Variants in FAM120A observed in about 807,000 individuals in gnomAD.
FAM120A encodes constitutive coactivator of PPAR-gamma-like protein 1.
In FAM120A, 15 loss-of-function variants were observed where a neutral mutation model predicts 109.7. That is an observed-to-expected ratio of 0.14 (90% CI 0.09 to 0.21). The LOEUF (loss-of-function observed/expected upper bound fraction) is 0.21. Ranked by LOEUF, FAM120A falls within the 10% of genes least tolerant of loss-of-function variation. The pLI, the probability that FAM120A is intolerant of heterozygous loss-of-function variation, is 1.00. For synonymous variants in FAM120A, 493 were observed against 572.8 expected, an observed-to-expected ratio of 0.86 and a Z score of 1.99; for missense variants, 899 against 1,439.3, an observed-to-expected ratio of 0.62 and a Z score of 6.07.
At chr9:93,454,536 A>C (rs1857464545) in intron 1 of FAM120A, among the ~76,000 whole-genome samples, 1 of 152,198 alleles carries the variant, frequency 6.6e-6, no homozygotes, top group African/African-American at 2.4e-5. Context: ...TCTATTTTCT[A>C]AACTCAGCTT....
Position 93,532,338 on chromosome 9 carries a change from T to C in FAM120A, c.1909+9T>C. On this transcript the variant is annotated intron_variant, in intron 10 of 17. Transcript: ENST00000277165. The surrounding 1 kb of genome is among the most constrained non-coding windows in gnomAD (Gnocchi z 4.3). ...CAGACTTCCACCAGAATGTATGTAC[T>C]GTAACAATCCATTGTTTGTTTTCCT... 6.2e-7 allele frequency: 1 copy of C among 1,613,728 alleles called. No homozygotes were observed. The highest frequency in any genetic ancestry group is 8.5e-7 in the Non-Finnish European group (1 of 1,179,590).
At chr9:93,476,079 T>A (rs1422757641) in intron 2 of FAM120A, among the ~76,000 whole-genome samples, 177 bp from the exon 3 acceptor site, 4 of 152,250 alleles carry the variant, frequency 2.6e-5, no homozygotes, top group African/African-American at 9.6e-5. Context: ...CCCGTCATTC[T>A]TGAAGCAGCT....
In FAM120A at chr9:93,453,682, C is replaced by T. The variant is rs535833177; in HGVS notation, c.474+1293C>T. The T allele has an allele frequency of 2.6e-5, 25 of 952,756 alleles. No individual in the cohort carries two copies. The Admixed American group carries it at 1.0e-3, about 40-fold the overall frequency. 59.0% of individuals were successfully genotyped at this position (952,756 alleles called of 1,614,324 possible). ...CCGGCAGAGTCCCGATTGGCCCCTG[C>T]GCCTGGCAGACACACAGCTGCCATT... On this transcript the variant is annotated intron_variant, in intron 1 of 17. Transcript: ENST00000277165.
At chr9:93,523,242 C>T (rs1210201524) in intron 7 of FAM120A, 1 of 1,140,572 alleles carries the variant, frequency 8.8e-7, no homozygotes, top group East Asian at 6.0e-5. Context: ...GCCTCTTTTG[C>T]TTGAAGATGG....
chr9:93,497,383 C>T, intron 3 of FAM120A, 88 bp from the exon 4 acceptor site: 1 of 1,525,440 alleles, frequency 6.6e-7, no homozygotes, highest in Non-Finnish European at 9.0e-7. Context: ...GATGGTAGCT[C>T]CTTGTTGAAT....
At chr9:93,536,372 G>A (rs754978470) in intron 10 of FAM120A, among the ~76,000 whole-genome samples, 2 of 152,214 alleles carry the variant, frequency 1.3e-5, no homozygotes, top group Non-Finnish European at 2.9e-5. Context: ...AGAGCCTGCT[G>A]CTCCAGCAGC....
intron 1 of FAM120A, among the ~76,000 whole-genome samples, chr9:93,453,828 G>T (rs1286117824): frequency 6.6e-6 from 1 of 152,164 alleles, no homozygotes; most frequent in Non-Finnish European, 1.5e-5. Flanking sequence ...CTAATAGAGC[G>T]TAAAAGTGTT....
intron 7 of FAM120A, among the ~76,000 whole-genome samples, chr9:93,520,330 T>A (rs1860792680): frequency 6.6e-6 from 1 of 152,092 alleles, no homozygotes. Flanking sequence ...GCCAATGCGC[T>A]CTCTCCTGGG....
intron 10 of FAM120A, among the ~76,000 whole-genome samples, chr9:93,539,020 C>T (rs1286710913): frequency 3.8e-5 from 5 of 130,486 alleles, no homozygotes; most frequent in South Asian, 3.0e-4. Context: ...TTTTTTGAGA[C>T]GGAGTCTCAC....
chr9:93,465,104 G>A (rs1564308379), intron 1 of FAM120A, among the ~76,000 whole-genome samples: 1 of 152,220 alleles, frequency 6.6e-6, no homozygotes, highest in Non-Finnish European at 1.5e-5. Flanking sequence ...GGGAGCTCAA[G>A]TCTGTCAGAC....
At chr9:93,496,789 A>G (rs1405577943) in intron 3 of FAM120A, among the ~76,000 whole-genome samples, 10 of 152,222 alleles carry the variant, frequency 6.6e-5, no homozygotes, top group Non-Finnish European at 1.5e-4. Flanking sequence ...CAAAGCTCTT[A>G]TTAGGTGGCT....
chr9:93,517,714 A>ACC (rs752205825), intron 7 of FAM120A, among the ~76,000 whole-genome samples: 7 of 152,208 alleles, frequency 4.6e-5, no homozygotes, highest in Non-Finnish European at 1.0e-4. Context: ...AGATGTGGAA[A>ACC]CCAGGTCAAG....
In FAM120A at chr9:93,498,388, G is replaced by A. The variant is rs1201859608; in HGVS notation, c.934-402G>A. 6.6e-6 allele frequency among the ~76,000 whole-genome samples: 1 copy of A among 152,146 alleles called. No individual in the cohort carries two copies. The highest frequency in any genetic ancestry group is 1.5e-5 in the Non-Finnish European group (1 of 68,030). ...AGCCTGGGTGAAAGAGCGAAACTCC[G>A]TCTCAGAAGAAAAAGAGAGAGCTGA... On this transcript the variant is annotated intron_variant, in intron 4 of 17. Transcript: ENST00000277165. This position sits in a 1 kb window ranked among gnomAD's most constrained non-coding sequence, Gnocchi z 4.4.
chr9:93,501,875 C>A (rs1859817779), intron 5 of FAM120A, among the ~76,000 whole-genome samples: 1 of 152,098 alleles, frequency 6.6e-6, no homozygotes, highest in Non-Finnish European at 1.5e-5. Flanking sequence ...ATTACATTAG[C>A]TGTCATTGAT....
rs1456761373 is a variant in FAM120A at position 93,498,885 on chromosome 9, A to C, written c.1029A>C (p.Leu343Phe). Residue 343 changes from leucine to phenylalanine, a missense_variant and splice_region_variant, in exon 5 of 18, where the codon TTA becomes TTC. Transcript: ENST00000277165. The surrounding 1 kb of genome is among the most constrained non-coding windows in gnomAD (Gnocchi z 4.4). ...KPMSFHPPHY[L>F]AARPGPFGMP... ...TGTCATTTCATCCACCACATTACTTAGGTAAGTAAATAAAAGCCTGTGATC... is the reference window on the plus strand; with the variant it reads ...TGTCATTTCATCCACCACATTACTTCGGTAAGTAAATAAAAGCCTGTGATC... The C allele has an allele frequency of 1.3e-6, 2 of 1,551,650 alleles. No individual in the cohort carries two copies. Among genetic ancestry groups the C allele is most frequent in the South Asian group, 2.2e-5 (2 of 89,812 alleles).
intron 10 of FAM120A, among the ~76,000 whole-genome samples, chr9:93,536,297 G>A (rs540035717): frequency 1.3e-5 from 2 of 152,316 alleles, no homozygotes; most frequent in Admixed American, 6.5e-5. Context: ...GTTCTCCTCC[G>A]ACCCTGCTTC....
intron 10 of FAM120A, among the ~76,000 whole-genome samples, chr9:93,536,614 C>T (rs1156775312): frequency 6.6e-6 from 1 of 152,190 alleles, no homozygotes; most frequent in African/African-American, 2.4e-5. Flanking sequence ...GAAACCTAGT[C>T]AGTGATTAAG....
At position 93,534,100 on chromosome 9, in the gene FAM120A, C is replaced by T. The variant is rs534367598; in HGVS notation, c.1909+1771C>T. On this transcript the variant is annotated intron_variant, in intron 10 of 17. Transcript: ENST00000277165. Reference sequence around the variant, plus strand: ...CCTCGTGCCTGCTGCATGTCTGCAGCACGCACGGCTGATGGTGCTTCTCAT... The same window carrying T: ...CCTCGTGCCTGCTGCATGTCTGCAGTACGCACGGCTGATGGTGCTTCTCAT... Among the ~76,000 whole-genome samples the T allele has an allele frequency of 1.1e-4, 17 of 152,280 alleles. No individual in the cohort carries two copies. The East Asian group carries it at 3.3e-3, about 30-fold the overall frequency.
intron 1 of FAM120A, among the ~76,000 whole-genome samples, chr9:93,453,811 C>A (rs1324527835): frequency 6.6e-6 from 1 of 152,204 alleles, no homozygotes; most frequent in African/African-American, 2.4e-5. Flanking sequence ...TGAAGCGATC[C>A]ATCTCCCTAA....
Sources: allele counts gnomAD v4.1 joint callset (sites outside exome capture counted in the v4.1 genomes callset), GRCh38; gene constraint gnomAD v4.1.1; non-coding constraint Gnocchi (gnomAD v3.1); transcripts MANE v1.5; gene names NCBI Gene and HGNC (gene_info 2026-07-23, HGNC 2026-07-21).